LZTS3: variants seen among roughly 807,000 people sequenced by gnomAD.
LZTS3 encodes the protein leucine zipper putative tumor suppressor 3.
In LZTS3, 16 loss-of-function variants were observed where a neutral mutation model predicts 50.9. The observed-to-expected ratio is 0.31, with a 90% CI of 0.21 to 0.48. The LOEUF is 0.48. Ranked by LOEUF, LZTS3 falls within the 20% of genes least tolerant of loss-of-function variation. The pLI is 0.99. For synonymous variants in LZTS3, 408 were observed against 410.6 expected, an observed-to-expected ratio of 0.99 and a Z score of 0.08; for missense variants, 816 against 931.0, an observed-to-expected ratio of 0.88 and a Z score of 1.61.
chr20:3,171,788 TG>T (rs1372274460), intron 1 of LZTS3, among the ~76,000 whole-genome samples: 1 of 152,094 alleles, frequency 6.6e-6, no homozygotes, highest in Non-Finnish European at 1.5e-5. Context: ...TAACTGAGCA[TG>T]GTCTGCAAAG....
Position 3,164,181 on chromosome 20 carries a change from G to A in LZTS3, c.*273C>T, listed in dbSNP as rs1405310611. 5.0e-6 allele frequency: 2 copies of A among 397,758 alleles called. No homozygotes were observed. The highest frequency in any genetic ancestry group is 4.2e-5 in the African/African-American group (2 of 48,080). The allele number at this position is 397,758 out of a possible 1,614,324, so 24.6% of individuals were successfully genotyped here. A position where few individuals can be genotyped will look rare whatever the true frequency, so the allele number is the denominator to read the frequency against. On this transcript the variant is annotated 3_prime_UTR_variant, in exon 5 of 5. Coordinates refer to ENST00000337576, the MANE Select transcript of LZTS3 (RefSeq NM_001365618.1). ...TCTCCAACAAGGGGGTGCCGAGAAA[G>A]GGAGCATGACTCCCCCACCACCTAG...
chr20:3,165,104 C>T lies in LZTS3; in HGVS notation c.1372G>A (p.Asp458Asn). 1 of 1,592,520 alleles carries T rather than the reference C, an allele frequency of 6.3e-7. No individual in the cohort carries two copies. The highest frequency in any genetic ancestry group is 8.5e-7 in the Non-Finnish European group (1 of 1,170,616). ...TTCTGCGACACATCCGCCTGCGAGT[C>T]CTTCAGCTGCTGCTTCAGGAGGGAG... Reference protein sequence around the residue: ...EISLLKQQLKDSQADVSQKLS... With the variant: ...EISLLKQQLKNSQADVSQKLS... Residue 458 changes from aspartate (D) to asparagine (N), a missense_variant, in exon 5 of 5, where the codon GAC (aspartate) becomes AAC (asparagine). Physicochemically the swap from Asp to Asn is conservative, Grantham distance 23 (BLOSUM62 1). Transcript: ENST00000337576. This position sits in a 1 kb window ranked among gnomAD's most constrained non-coding sequence, Gnocchi z 5.0.
rs904560989 is a variant in LZTS3 at position 3,173,506 on chromosome 20, C to G, written c.-294G>C. ...TCTCCGACACGGGCGCCACCGGCCC[C>G]GCTTGCTGGCGCAGCCCGAAGCACG... On this transcript the variant is annotated 5_prime_UTR_variant, in exon 1 of 5. Transcript: ENST00000337576. 4 of 151,594 alleles carry G rather than the reference C, an allele frequency of 2.6e-5. No homozygotes were observed. Among genetic ancestry groups the G allele is most frequent in the Non-Finnish European group, 4.4e-5 (3 of 67,876 alleles). 9.4% of individuals were successfully genotyped at this position (151,594 alleles called of 1,614,324 possible). A position where few individuals can be genotyped will look rare whatever the true frequency, so the allele number is the denominator to read the frequency against.
rs1208698240 is a variant in LZTS3 at position 3,162,806 on chromosome 20, GC to G, written c.*1647del. On this transcript the variant is annotated 3_prime_UTR_variant, in exon 5 of 5. Coordinates refer to ENST00000337576, the MANE Select transcript of LZTS3 (RefSeq NM_001365618.1). This position sits in a 1 kb window ranked among gnomAD's most constrained non-coding sequence, Gnocchi z 5.0. ...CTTACTAATGCCTTCTCTTCTCCCT[GC>G]CCCTGTGGCCTAGGCCCAGGTTCTA... 6.6e-6 allele frequency: 1 copy of G among 152,264 alleles called. No homozygotes were observed. Among genetic ancestry groups the G allele is most frequent in the Non-Finnish European group, 1.5e-5 (1 of 67,996 alleles). The allele number at this position is 152,264 out of a possible 1,614,324, so 9.4% of individuals were successfully genotyped here. A position where few individuals can be genotyped will look rare whatever the true frequency, so the allele number is the denominator to read the frequency against.
At chr20:3,166,654 C>G in intron 3 of LZTS3, 51 bp downstream of exon 3, 1 of 1,581,230 alleles carries the variant, frequency 6.3e-7, no homozygotes, top group South Asian at 1.1e-5. Context: ...CTCTGGGTTG[C>G]CTCCCACCCC....
At chr20:3,170,654 G>T (rs536940500) in intron 1 of LZTS3, among the ~76,000 whole-genome samples, 30 of 152,044 alleles carry the variant, frequency 2.0e-4, no homozygotes, top group African/African-American at 7.3e-4. Flanking sequence ...TTAGCTGGGT[G>T]TGGTGGTGCA....
In LZTS3 at chr20:3,166,878, A is replaced by AGTT. The variant is rs749308580; in HGVS notation, c.283_285dup (p.Asn95dup). On this transcript the variant is annotated inframe_insertion, in exon 3 of 5. Coordinates refer to ENST00000337576, the MANE Select transcript of LZTS3 (RefSeq NM_001365618.1). ...CGCAGCTCACCATTGAGGTAGAGGG[A>AGTT]GTTGGCGAGACCCTTGTCCTCTGAG... is the stretch of plus-strand genomic sequence containing the variant. 6.2e-7 allele frequency: 1 copy of AGTT among 1,613,616 alleles called. No homozygotes were observed. The highest frequency in any genetic ancestry group is 2.2e-5 in the East Asian group (1 of 44,868).
Position 3,166,932 on chromosome 20 carries a change from C to T in LZTS3, c.232G>A (p.Ala78Thr), listed in dbSNP as rs1423095074. Reference protein sequence around the residue: ...FPGPRGSGSGASRERPGRYPS... With the variant: ...FPGPRGSGSGTSRERPGRYPS... ...TAGCGGCCCGGCCTCTCCCTGCTGG[C>T]CCCACTGCCACTGCCTCGGGGGCCA... is the stretch of plus-strand genomic sequence containing the variant. Residue 78 changes from alanine to threonine, a missense_variant, in exon 3 of 5, where the codon GCC becomes ACC. By Grantham distance (58) the Ala-to-Thr change is moderately conservative. Transcript: ENST00000337576. The T allele has an allele frequency of 1.1e-5, 18 of 1,609,846 alleles. No homozygotes were observed. Among genetic ancestry groups the T allele is most frequent in the East Asian group, 2.2e-5 (1 of 44,860 alleles).
chr20:3,167,496 T>A, intron 2 of LZTS3: 1 of 1,098,958 alleles, frequency 9.1e-7, no homozygotes, highest in Non-Finnish European at 1.1e-6. Flanking sequence ...TAGCCCCACC[T>A]CCGCCATGAG....
rs1426141877 is a variant in LZTS3, at chr20:3,167,151, C to G, written c.13G>C (p.Glu5Gln). The G allele has an allele frequency of 8.1e-6, 12 of 1,479,780 alleles. No individual in the cohort carries two copies. The highest frequency in any genetic ancestry group is 1.1e-5 in the Non-Finnish European group (12 of 1,120,592). 91.7% of individuals were successfully genotyped at this position (1,479,780 alleles called of 1,614,324 possible). The change falls in exon 3 of 5, where the codon GAG (glutamate) becomes CAG (glutamine). Residue 5 changes from glutamate to glutamine, a missense_variant. By Grantham distance (29) the Glu-to-Gln change is conservative (BLOSUM62 2). Around this residue, in one of 3 missense-constraint regions of LZTS3, gnomAD observed 700 missense variants for 769.4 expected, o/e 0.91. Transcript: ENST00000337576. MAKL[E>Q]TLPVRADPGR... ...GGGTCAGCGCGCACAGGCAGCGTCT[C>G]CAGCTTCGCCATGACTAAGCCAGGG...
chr20:3,164,928 G>T lies in LZTS3; in HGVS notation c.1548C>A (p.Cys516Ter). 6.5e-7 allele frequency: 1 copy of T among 1,548,368 alleles called. No homozygotes were observed. The highest frequency in any genetic ancestry group is 8.7e-7 in the Non-Finnish European group (1 of 1,153,178). The stretch of plus-strand genomic sequence containing the variant: ...CCACGGGGGTCAGCGCCGGCTTGAG[G>T]CAGGCGGCAGGCAGCTCGCCTTCGC... ...ELGEGELPAA[C>*]LKPALTPVDP... The change falls in exon 5 of 5, where the codon TGC (cysteine) becomes TGA (stop). Residue 516 changes from cysteine to a stop codon, truncating the protein, a stop_gained. Coordinates refer to ENST00000337576, the MANE Select transcript of LZTS3 (RefSeq NM_001365618.1). LOFTEE classifies it high-confidence loss of function.
chr20:3,163,460 A>T lies in LZTS3; in HGVS notation c.*994T>A, dbSNP rs41281240. The T allele has an allele frequency of 0.019, 2,846 of 152,880 alleles. 40 individuals are homozygous for T. The highest frequency in any genetic ancestry group is 0.029 in the Non-Finnish European group (1,986 of 68,102). The allele number at this position is 152,880 out of a possible 1,614,324, so 9.5% of individuals were successfully genotyped here. ...GTCAAGCGGAATTTTCTATTGGAAG[A>T]AAAGGTGAGACTTTGGGGAAGAGAC... On this transcript the variant is annotated 3_prime_UTR_variant, in exon 5 of 5. Transcript: ENST00000337576. This position sits in a 1 kb window ranked among gnomAD's most constrained non-coding sequence, Gnocchi z 5.2.
chr20:3,168,498 C>G (rs956561850), intron 1 of LZTS3: 2 of 152,316 alleles, frequency 1.3e-5, no homozygotes, highest in Non-Finnish European at 2.9e-5. Flanking sequence ...CTCAGCTTAC[C>G]GTGAAGCCCT....
At chr20:3,168,838 G>A (rs573363616) in intron 1 of LZTS3, among the ~76,000 whole-genome samples, 1 of 152,284 alleles carries the variant, frequency 6.6e-6, no homozygotes, top group South Asian at 2.1e-4. Context: ...GCACCCTATG[G>A]CCCCACAGAC....
At position 3,165,374 on chromosome 20, in the gene LZTS3, T is replaced by TGGGGG; in HGVS notation, c.1323+122_1323+123insCCCCC. The stretch of plus-strand genomic sequence containing the variant: ...CACAGACACTCCCAATTGATTTTTG[T>TGGGGG]CCCCCCTGCTCCTTTCATCCCCCCC... On this transcript the variant is annotated intron_variant, in intron 4 of 4. Transcript: ENST00000337576. The surrounding 1 kb of genome is among the most constrained non-coding windows in gnomAD (Gnocchi z 5.0). The TGGGGG allele has an allele frequency of 7.3e-7, 1 of 1,377,390 alleles. No individual in the cohort carries two copies. The highest frequency in any genetic ancestry group is 2.6e-5 in the East Asian group (1 of 39,078). The allele number at this position is 1,377,390 out of a possible 1,614,324, so 85.3% of individuals were successfully genotyped here. A position where few individuals can be genotyped will look rare whatever the true frequency, so the allele number is the denominator to read the frequency against.
In LZTS3 at chr20:3,165,796, G is replaced by A. The variant is rs763667722; in HGVS notation, c.1024C>T (p.Leu342=). Residue 342 remains leucine, a synonymous_variant, in exon 4 of 5, where the codon CTG becomes TTG. Transcript: ENST00000337576. This position sits in a 1 kb window ranked among gnomAD's most constrained non-coding sequence, Gnocchi z 5.0. ...EQEVAALRRS[L]EQSEAAVAQV... is the part of the protein sequence containing the mutation. ...GCCACAGCCGCCTCGCTCTGCTCCA[G>A]GCTGCGCCGCAGAGCTGCCACCTCC... 16 of 1,594,596 alleles carry A rather than the reference G, an allele frequency of 1.0e-5. No individual in the cohort carries two copies. The highest frequency in any genetic ancestry group is 1.7e-4 in the Middle Eastern group (1 of 5,858).
In LZTS3 at chr20:3,166,854, G is replaced by A. The variant is rs1187042157; in HGVS notation, c.310C>T (p.Arg104Trp). Residue 104 changes from arginine to tryptophan, a missense_variant, in exon 3 of 5, where the codon CGG (arginine) becomes TGG (tryptophan). By Grantham distance (101) the Arg-to-Trp change is moderately radical. Around this residue, in one of 3 missense-constraint regions of LZTS3, gnomAD observed 700 missense variants for 769.4 expected, o/e 0.91. Transcript: ENST00000337576. ...CAGACATCGGTGTGGTCACTGCCCC[G>A]CAGCTCACCATTGAGGTAGAGGGAG... ...ANSLYLNGEL[R>W]GSDHTDVCGN... 1.3e-5 allele frequency: 21 copies of A among 1,613,692 alleles called. No individual in the cohort carries two copies. Among genetic ancestry groups the A allele is most frequent in the Admixed American group, 1.7e-5 (1 of 60,004 alleles).
chr20:3,167,001 C>T lies in LZTS3; in HGVS notation c.163G>A (p.Val55Met), dbSNP rs371702656. The change falls in exon 3 of 5, where the codon GTG becomes ATG. Residue 55 changes from valine to methionine, a missense_variant. Around this residue, in one of 3 missense-constraint regions of LZTS3, gnomAD observed 700 missense variants for 769.4 expected, o/e 0.91. Coordinates refer to ENST00000337576, the MANE Select transcript of LZTS3 (RefSeq NM_001365618.1). ...AHAQEFAMKS[V>M]GTRTGGGGSQ... is the part of the protein sequence containing the mutation. ...CCCCCACCCCCTGTGCGGGTACCCACGCTCTTCATGGCAAACTCCTGGGCA... is the reference window on the plus strand; with the variant it reads ...CCCCCACCCCCTGTGCGGGTACCCATGCTCTTCATGGCAAACTCCTGGGCA... The T allele has an allele frequency of 2.6e-5, 41 of 1,594,488 alleles. No individual in the cohort carries two copies. The highest frequency in any genetic ancestry group is 1.2e-4 in the African/African-American group (9 of 74,942).
At chr20:3,171,777 G>T (rs1335913480) in intron 1 of LZTS3, among the ~76,000 whole-genome samples, 9 of 152,160 alleles carry the variant, frequency 5.9e-5, no homozygotes, top group Non-Finnish European at 5.9e-5. Flanking sequence ...ACTAGTCCAG[G>T]TAACTGAGCA....
Sources: allele counts gnomAD v4.1 joint callset (sites outside exome capture counted in the v4.1 genomes callset), GRCh38; gene constraint gnomAD v4.1.1; regional missense constraint gnomAD v4.1.1; non-coding constraint Gnocchi (gnomAD v3.1); transcripts MANE v1.5; gene names NCBI Gene and HGNC (gene_info 2026-07-23, HGNC 2026-07-21).